The following VKORC1L1 variants were observed in gnomAD, a reference collection of about 807,000 sequenced individuals.
VKORC1L1 encodes vitamin K epoxide reductase complex subunit 1-like protein 1.
Under a neutral mutation model 18.9 loss-of-function variants are expected in VKORC1L1, and 2 were observed. The ratio of observed to expected loss-of-function variants is 0.11; its 90% CI spans 0.04 to 0.33. The LOEUF is 0.33. Ranked by LOEUF, VKORC1L1 falls within the 10% of genes least tolerant of loss-of-function variation. The probability of loss-of-function intolerance (pLI) is 1.00; values close to 1 mark genes in which losing one functional copy is unlikely to be tolerated. For missense variants in VKORC1L1, 123 were observed against 224.1 expected, an observed-to-expected ratio of 0.55 and a Z score of 2.88; for synonymous variants, 96 against 100.0, an observed-to-expected ratio of 0.96 and a Z score of 0.24.
At chr7:65,895,058 G>A (rs1191636762) in intron 1 of VKORC1L1, among the ~76,000 whole-genome samples, 2 of 152,140 alleles carry the variant, frequency 1.3e-5, no homozygotes, top group Non-Finnish European at 2.9e-5. Context: ...GTAAGTTGCT[G>A]TATTTTATAT....
At position 65,955,737 on chromosome 7, in the gene VKORC1L1, C is replaced by T. The variant is rs1353431432; in HGVS notation, c.*1437C>T. The T allele has an allele frequency of 6.6e-6, 1 of 152,234 alleles. No individual in the cohort carries two copies. The highest frequency in any genetic ancestry group is 1.5e-5 in the Non-Finnish European group (1 of 68,050). The allele number at this position is 152,234 out of a possible 1,614,324, so 9.4% of individuals were successfully genotyped here. On this transcript the variant is annotated 3_prime_UTR_variant, in exon 3 of 3. Coordinates refer to ENST00000360768, the MANE Select transcript of VKORC1L1 (RefSeq NM_173517.6). ...AAAACCTGCACTCTGCAGAAGGGTC[C>T]TGTGTGATCACTTAATCCTCTGGTT...
chr7:65,905,009 G>GTATGTA (rs1200238167), intron 1 of VKORC1L1, among the ~76,000 whole-genome samples: 1 of 151,760 alleles, frequency 6.6e-6, no homozygotes, highest in Non-Finnish European at 1.5e-5. Context: ...ACACATGCCT[G>GTATGTA]TATGTATATG....
rs1400091698 is a variant in VKORC1L1, at chr7:65,873,681, G to A, written c.194+116G>A. The A allele has an allele frequency of 2.8e-6, 3 of 1,068,548 alleles. No individual in the cohort carries two copies. In the African/African-American group the frequency reaches 5.1e-5, roughly 18 times the overall value. The allele number at this position is 1,068,548 out of a possible 1,614,324, so 66.2% of individuals were successfully genotyped here. ...GGGGGCGGCGGGGACCGGGCCGCTGGGGAACTGACGGGGTCGGGTCGGGGC... is the reference window on the plus strand; with the variant it reads ...GGGGGCGGCGGGGACCGGGCCGCTGAGGAACTGACGGGGTCGGGTCGGGGC... On this transcript the variant is annotated intron_variant, in intron 1 of 2. Coordinates refer to ENST00000360768, the MANE Select transcript of VKORC1L1 (RefSeq NM_173517.6).
At chr7:65,953,648 A>G (rs1402526298) in intron 2 of VKORC1L1, among the ~76,000 whole-genome samples, 1 of 152,204 alleles carries the variant, frequency 6.6e-6, no homozygotes, top group African/African-American at 2.4e-5. Flanking sequence ...TAATCCCGGC[A>G]CTTTGGGAGG....
intron 1 of VKORC1L1, among the ~76,000 whole-genome samples, chr7:65,918,813 G>A (rs1789629169): frequency 6.6e-6 from 1 of 152,174 alleles, no homozygotes; most frequent in South Asian, 2.1e-4. Context: ...CAACAAAACA[G>A]GCGGGACGCG....
At chr7:65,875,616 A>G (rs1456721143) in intron 1 of VKORC1L1, among the ~76,000 whole-genome samples, 1 of 152,014 alleles carries the variant, frequency 6.6e-6, no homozygotes, top group Non-Finnish European at 1.5e-5. Context: ...ACGGGGTTTC[A>G]CCATGTTAGC....
intron 1 of VKORC1L1, among the ~76,000 whole-genome samples, chr7:65,916,586 T>C (rs939155195): frequency 1.3e-5 from 2 of 152,116 alleles, no homozygotes; most frequent in Admixed American, 6.6e-5. Flanking sequence ...GGTCATTGTT[T>C]GATATAGGAA....
intron 2 of VKORC1L1, among the ~76,000 whole-genome samples, chr7:65,950,660 A>G (rs1917563): frequency 0.51 from 76,997 of 152,074 alleles, 20,633 homozygotes; most frequent in East Asian, 0.81. Flanking sequence ...TTACAAATAG[A>G]TAATGGTTGA....
intron 1 of VKORC1L1, among the ~76,000 whole-genome samples, chr7:65,941,757 A>G (rs1790038482): frequency 7.3e-6 from 1 of 136,200 alleles, no homozygotes; most frequent in Non-Finnish European, 1.5e-5. Flanking sequence ...GCTCACTATA[A>G]CCTCTCCCTC....
At chr7:65,890,872 AG>A (rs1789100310) in intron 1 of VKORC1L1, among the ~76,000 whole-genome samples, 1 of 152,196 alleles carries the variant, frequency 6.6e-6, no homozygotes, top group Non-Finnish European at 1.5e-5. Flanking sequence ...CAGCCTGAAG[AG>A]TATTTTACCT....
chr7:65,901,974 C>G (rs921236981), intron 1 of VKORC1L1, among the ~76,000 whole-genome samples: 7 of 152,166 alleles, frequency 4.6e-5, no homozygotes, highest in Admixed American at 3.9e-4. Context: ...AAAGGCTACT[C>G]TGGATCTACT....
At chr7:65,896,352 TAAG>T (rs1789212188) in intron 1 of VKORC1L1, among the ~76,000 whole-genome samples, 1 of 152,206 alleles carries the variant, frequency 6.6e-6, no homozygotes, top group Non-Finnish European at 1.5e-5. Flanking sequence ...ATAAAACTGC[TAAG>T]AACATTTATA....
At chr7:65,948,988 A>G (rs1790166768) in intron 2 of VKORC1L1, among the ~76,000 whole-genome samples, 1 of 152,230 alleles carries the variant, frequency 6.6e-6, no homozygotes, top group African/African-American at 2.4e-5. Flanking sequence ...CATGGAGAGC[A>G]GTATCTCATG....
intron 1 of VKORC1L1, 21 bp from the exon 2 acceptor site, chr7:65,948,650 C>T: frequency 2.3e-6 from 2 of 863,556 alleles, no homozygotes; most frequent in East Asian, 2.7e-5. Flanking sequence ...TATAGGGTTA[C>T]TGGTTTTCCT....
intron 1 of VKORC1L1, among the ~76,000 whole-genome samples, chr7:65,885,457 G>GT (rs1156899699): frequency 6.6e-6 from 1 of 150,728 alleles, no homozygotes; most frequent in African/African-American, 2.4e-5. Context: ...CATATTTATA[G>GT]TTGTTTTTTT....
At chr7:65,931,985 T>TA (rs1204005807) in intron 1 of VKORC1L1, among the ~76,000 whole-genome samples, 3 of 152,138 alleles carry the variant, frequency 2.0e-5, no homozygotes, top group Non-Finnish European at 4.4e-5. Context: ...AGCCTTTGGT[T>TA]TCATTTATTT....
intron 1 of VKORC1L1, among the ~76,000 whole-genome samples, chr7:65,911,383 A>G (rs1789500258): frequency 6.6e-6 from 1 of 152,184 alleles, no homozygotes; most frequent in South Asian, 2.1e-4. Flanking sequence ...ATTTTTGTAT[A>G]CATTTAGGTA....
At chr7:65,944,500 G>A (rs1262519797) in intron 1 of VKORC1L1, among the ~76,000 whole-genome samples, 8 of 152,086 alleles carry the variant, frequency 5.3e-5, no homozygotes, top group African/African-American at 1.7e-4. Context: ...TTTTGTATGC[G>A]TTTTGTTTTT....
In VKORC1L1 at chr7:65,953,331, AT is replaced by A. The variant is rs140531521; in HGVS notation, c.305-739del. ...ATTTGATCTAAACATGGAAAAGCAA[AT>A]TTTACTTTCCACAGATGGGCAGGAT... On this transcript the variant is annotated intron_variant, in intron 2 of 2. Transcript: ENST00000360768. 6.8e-4 allele frequency among the ~76,000 whole-genome samples: 103 copies of A among 152,274 alleles called. 3 individuals carry two copies. In the East Asian group the frequency reaches 0.017, roughly 25 times the overall value.
Sources: gnomAD v4.1 joint callset for allele counts (sites outside exome capture counted in the v4.1 genomes callset) on GRCh38, gnomAD v4.1.1 for gene constraint, MANE v1.5 for transcripts, NCBI Gene and HGNC (gene_info 2026-07-23, HGNC 2026-07-21) for gene names.